The following HERC3 variants were observed in gnomAD, a reference collection of about 807,000 sequenced individuals.
HERC3 encodes the protein HECT and RLD domain containing E3 ubiquitin protein ligase 3.
HERC3 carries 58 observed loss-of-function variants against 129.9 expected under a neutral mutation model. The ratio of observed to expected loss-of-function variants is 0.45; its 90% CI spans 0.36 to 0.56. The LOEUF is 0.56. HERC3 is among the 20% of genes least tolerant of loss of function. The pLI is 0.00. For missense variants in HERC3, 835 were observed against 1,244.2 expected (o/e 0.67, Z 4.95); for synonymous variants, 430 against 451.0 (o/e 0.95, Z 0.59).
In HERC3 at chr4:88,707,062, G is replaced by A. The variant is rs1735847301; in HGVS notation, c.*102G>A. 4 of 919,658 alleles carry A rather than the reference G, an allele frequency of 4.3e-6. No homozygotes were observed. The South Asian group carries it at 6.4e-5, about 15-fold the overall frequency. 57.0% of individuals were successfully genotyped at this position (919,658 alleles called of 1,614,324 possible). On this transcript the variant is annotated 3_prime_UTR_variant, in exon 26 of 26. Coordinates refer to ENST00000402738, the MANE Select transcript of HERC3 (RefSeq NM_014606.3). ...TGATTTCTATTTTTTTATTGTCTAA[G>A]TGGGTTGGGACTTTTAAATACTGAG... is the stretch of plus-strand genomic sequence containing the variant.
intron 8 of HERC3, 36 bp downstream of exon 8, chr4:88,655,340 G>A (rs1729766151): frequency 6.2e-7 from 1 of 1,609,630 alleles, no homozygotes. Flanking sequence ...TATTCACTAG[G>A]ACCCAGAAAT....
At chr4:88,579,363 C>T in the HERC3 span, among the ~76,000 whole-genome samples, 2 of 151,840 alleles carry the variant, frequency 1.3e-5, no homozygotes, top group African/African-American at 4.8e-5. Flanking sequence ...GCCGAGATGG[C>T]GTCACTGCAA....
At chr4:88,584,147 C>A in the HERC3 span, among the ~76,000 whole-genome samples, 1 of 152,182 alleles carries the variant, frequency 6.6e-6, no homozygotes, top group African/African-American at 2.4e-5. Context: ...CTTCTGGAAG[C>A]TCTGAGGGAG....
At chr4:88,632,607 C>T (rs577210813) in intron 3 of HERC3, among the ~76,000 whole-genome samples, 1 of 152,254 alleles carries the variant, frequency 6.6e-6, no homozygotes, top group South Asian at 2.1e-4. Flanking sequence ...AACCAAATAC[C>T]ATAACTAAAA....
the HERC3 span, among the ~76,000 whole-genome samples, chr4:88,548,754 G>A: frequency 7.5e-4 from 114 of 151,262 alleles, no homozygotes; most frequent in Middle Eastern, 0.01. Flanking sequence ...TCTGCCTCCC[G>A]GGTTCAAGCG....
chr4:88,567,247 G>A, the HERC3 span, among the ~76,000 whole-genome samples: 1 of 152,130 alleles, frequency 6.6e-6, no homozygotes, highest in Non-Finnish European at 1.5e-5. Flanking sequence ...TTGGGAGTTT[G>A]ATTATTAAAT....
chr4:88,666,461 G>A (rs147552375), intron 12 of HERC3, among the ~76,000 whole-genome samples: 42 of 152,134 alleles, frequency 2.8e-4, no homozygotes, highest in Middle Eastern at 3.4e-3. Context: ...CAACAACAAC[G>A]AAAGACCCAA....
At chr4:88,674,838 T>C (rs571145936) in intron 16 of HERC3, among the ~76,000 whole-genome samples, 1 of 152,254 alleles carries the variant, frequency 6.6e-6, no homozygotes, top group East Asian at 1.9e-4. Flanking sequence ...TGTTTCTCTG[T>C]CTAGAGAAAT....
chr4:88,586,957 C>T, the HERC3 span, among the ~76,000 whole-genome samples: 1 of 152,166 alleles, frequency 6.6e-6, no homozygotes, highest in African/African-American at 2.4e-5. Context: ...AGATGGGCCA[C>T]ACATTTTGCT....
intron 3 of HERC3, among the ~76,000 whole-genome samples, chr4:88,606,938 C>T (rs1325278812): frequency 6.6e-6 from 1 of 152,170 alleles, no homozygotes; most frequent in Non-Finnish European, 1.5e-5. Flanking sequence ...AACTTTACTT[C>T]CTGATTACCT....
At chr4:88,589,352 C>G (rs757204552), upstream of HERC3, among the ~76,000 whole-genome samples, 17 of 152,106 alleles carry the variant, frequency 1.1e-4, no homozygotes, top group Non-Finnish European at 2.9e-5. Flanking sequence ...AACCCAAAGC[C>G]CTGGGATTAC....
intron 3 of HERC3, among the ~76,000 whole-genome samples, chr4:88,616,593 C>T (rs1490612651): frequency 6.6e-6 from 1 of 152,188 alleles, no homozygotes; most frequent in East Asian, 1.9e-4. Context: ...TGAAAGAATG[C>T]AAGTGATTTT....
the HERC3 span, among the ~76,000 whole-genome samples, chr4:88,581,643 G>C: frequency 1.3e-5 from 2 of 151,878 alleles, no homozygotes. Context: ...ATAGAGACAG[G>C]GTCTCAGCAT....
chr4:88,531,358 GA>G, the HERC3 span, among the ~76,000 whole-genome samples: 1 of 152,004 alleles, frequency 6.6e-6, no homozygotes, highest in African/African-American at 2.4e-5. Context: ...TTCTTAATGG[GA>G]GTCATCACCA....
rs1332881662 is a variant in HERC3, at chr4:88,625,649, T to TGGCTTATTTCACTC, written c.226+19601_226+19614dup. On this transcript the variant is annotated intron_variant, in intron 3 of 25. Coordinates refer to ENST00000402738, the MANE Select transcript of HERC3 (RefSeq NM_014606.3). ...TTTCATTTTCTTGCCTTATTTCACTTGGCTTATTTCACTCATTTGCCTTAT... is the reference window on the plus strand; with the variant it reads ...TTTCATTTTCTTGCCTTATTTCACTTGGCTTATTTCACTCGGCTTATTTCACTCATTTGCCTTAT... Among the ~76,000 whole-genome samples the TGGCTTATTTCACTC allele has an allele frequency of 1.5e-4, 23 of 152,312 alleles. No individual in the cohort carries two copies. The East Asian group carries it at 4.4e-3, about 29-fold the overall frequency.
chr4:88,667,837 G>A (rs75358311), intron 13 of HERC3, 55 bp from the exon 14 acceptor site: 7 of 1,311,964 alleles, frequency 5.3e-6, no homozygotes, highest in Non-Finnish European at 7.6e-6. Context: ...CTTAGAGAAA[G>A]TTAACTAGAT....
chr4:88,651,896 A>C, intron 4 of HERC3, 116 bp from the exon 5 acceptor site: 1 of 811,878 alleles, frequency 1.2e-6, no homozygotes, highest in Non-Finnish European at 2.0e-6. Context: ...CCTTAAAAAG[A>C]CTTTTAGGCA....
At chr4:88,625,372 A>G (rs1725982697) in intron 3 of HERC3, among the ~76,000 whole-genome samples, 1 of 152,034 alleles carries the variant, frequency 6.6e-6, no homozygotes, top group Non-Finnish European at 1.5e-5. Context: ...AATTTTTCTC[A>G]GCAATATTTT....
the HERC3 span, among the ~76,000 whole-genome samples, chr4:88,564,845 T>C: frequency 1.3e-5 from 2 of 152,150 alleles, no homozygotes; most frequent in Admixed American, 6.5e-5. Context: ...TCCACTTTTT[T>C]ATGTAGGTGG....
Sources: allele counts gnomAD v4.1 joint callset (sites outside exome capture counted in the v4.1 genomes callset), GRCh38; gene constraint gnomAD v4.1.1; transcripts MANE v1.5; gene names NCBI Gene and HGNC (gene_info 2026-07-23, HGNC 2026-07-21).